GIGYF2: variants seen among roughly 807,000 people sequenced by gnomAD.
GIGYF2 encodes the protein GRB10-interacting GYF protein 2.
In GIGYF2, 25 loss-of-function variants were observed where a neutral mutation model predicts 208.1. The ratio of observed to expected loss-of-function variants is 0.12; its 90% CI spans 0.09 to 0.17. The LOEUF (loss-of-function observed/expected upper bound fraction) is 0.17. Among genes scored for constraint, GIGYF2 ranks in the 10% least tolerant of loss-of-function variants. GIGYF2 has a pLI of 1.00. For missense variants in GIGYF2, 1,302 were observed against 1,579.4 expected (o/e 0.82, Z 2.98); for synonymous variants, 534 against 543.8 (o/e 0.98, Z 0.25).
At chr2:232,761,830 C>T (rs1574847301) in intron 8 of GIGYF2, among the ~76,000 whole-genome samples, 3 of 146,348 alleles carry the variant, frequency 2.0e-5, no homozygotes, top group Admixed American at 6.8e-5. Flanking sequence ...TTCATTTGGC[C>T]TTTTTGCTGT....
intron 2 of GIGYF2, among the ~76,000 whole-genome samples, chr2:232,726,636 G>C (rs1003685788): frequency 3.3e-5 from 5 of 152,034 alleles, no homozygotes; most frequent in Non-Finnish European, 7.4e-5. Flanking sequence ...TTTTTAAATA[G>C]GTCCTATAGC....
At chr2:232,833,531 CA>C (rs1490680460) in intron 22 of GIGYF2, among the ~76,000 whole-genome samples, 1 of 152,206 alleles carries the variant, frequency 6.6e-6, no homozygotes, top group Non-Finnish European at 1.5e-5. Flanking sequence ...ACATAATGCA[CA>C]TACTTTGTAT....
intron 22 of GIGYF2, among the ~76,000 whole-genome samples, chr2:232,834,628 T>C (rs1241008327): frequency 6.6e-6 from 1 of 152,190 alleles, no homozygotes; most frequent in Non-Finnish European, 1.5e-5. Context: ...TCTTCAATTG[T>C]ATGTTCTGTT....
chr2:232,749,648 A>G (rs1418910916), intron 5 of GIGYF2, among the ~76,000 whole-genome samples: 1 of 152,110 alleles, frequency 6.6e-6, no homozygotes, highest in Non-Finnish European at 1.5e-5. Context: ...GATTTCAAGG[A>G]ACTTATGATA....
intron 15 of GIGYF2, among the ~76,000 whole-genome samples, chr2:232,807,514 C>T (rs1700595286): frequency 6.6e-6 from 1 of 152,096 alleles, no homozygotes; most frequent in Admixed American, 6.5e-5. Flanking sequence ...CAGAGTGAGA[C>T]CCTGTCTCAA....
At position 232,857,424 on chromosome 2, in the gene GIGYF2, A is replaced by G. The variant is rs1446107103; in HGVS notation, c.*564A>G. 5.8e-6 allele frequency: 1 copy of G among 173,050 alleles called. No homozygotes were observed. Among genetic ancestry groups the G allele is most frequent in the Non-Finnish European group, 1.2e-5 (1 of 80,150 alleles). The allele number at this position is 173,050 out of a possible 1,614,324, so 10.7% of individuals were successfully genotyped here. A position where few individuals can be genotyped will look rare whatever the true frequency, so the allele number is the denominator to read the frequency against. ...TTGCCACTGCTAACTTTGGGATTGCATCAGAGAGGCCCTGAGTGGGGTTGA... is the reference window on the plus strand; with the variant it reads ...TTGCCACTGCTAACTTTGGGATTGCGTCAGAGAGGCCCTGAGTGGGGTTGA... On this transcript the variant is annotated 3_prime_UTR_variant, in exon 29 of 29. Coordinates refer to ENST00000373563, the MANE Select transcript of GIGYF2 (RefSeq NM_001103146.3).
intron 2 of GIGYF2, among the ~76,000 whole-genome samples, chr2:232,716,176 T>C (rs540321102): frequency 2.0e-5 from 3 of 152,238 alleles, no homozygotes; most frequent in Non-Finnish European, 4.4e-5. Flanking sequence ...CTATTATAAG[T>C]AATGTGGGTC....
chr2:232,816,939 A>G lies in GIGYF2; in HGVS notation c.2277A>G (p.Glu759=), dbSNP rs1236369634. ...AAGAGGAAGAGCGAAAGAGGCAGGA[A>G]GAACTCCGAAGACAACAGGAGGAAA... ...KREEEERKRQ[E]ELRRQQEEIL... Residue 759 remains glutamate (E), a synonymous_variant, in exon 20 of 29, where the codon GAA becomes GAG. Coordinates refer to ENST00000373563, the MANE Select transcript of GIGYF2 (RefSeq NM_001103146.3). The G allele has an allele frequency of 6.2e-7, 1 of 1,611,708 alleles. No homozygotes were observed. The highest frequency in any genetic ancestry group is 1.3e-5 in the African/African-American group (1 of 74,884).
chr2:232,731,327 T>C (rs1175834643), intron 2 of GIGYF2: 2 of 152,232 alleles, frequency 1.3e-5, no homozygotes, highest in Non-Finnish European at 2.9e-5. Flanking sequence ...GCAAATACTT[T>C]GAATTTTAGT....
intron 12 of GIGYF2, among the ~76,000 whole-genome samples, chr2:232,794,470 C>T (rs1430134294): frequency 1.3e-5 from 2 of 152,170 alleles, no homozygotes; most frequent in Non-Finnish European, 2.9e-5. Flanking sequence ...TCTAAGAGGT[C>T]AACCTGTAAC....
In GIGYF2 at chr2:232,724,203, G is replaced by T. The variant is rs574473613; in HGVS notation, c.-43-10952G>T. Among the ~76,000 whole-genome samples the T allele has an allele frequency of 6.9e-4, 94 of 136,754 alleles. 1 individual carries two copies. The East Asian group carries it at 0.019, about 28-fold the overall frequency. The allele number at this position is 136,754 out of a possible 152,430, so 89.7% of individuals were successfully genotyped here. On this transcript the variant is annotated intron_variant, in intron 2 of 28. Coordinates refer to ENST00000373563, the MANE Select transcript of GIGYF2 (RefSeq NM_001103146.3). The stretch of plus-strand genomic sequence containing the variant: ...TTAACAGGCGCCCGCTGCCACACCT[G>T]GCTATTTTTTTTTTTTTTTTTTTTT...
At chr2:232,836,603 A>G (rs1701648079) in intron 22 of GIGYF2, among the ~76,000 whole-genome samples, 1 of 147,942 alleles carries the variant, frequency 6.8e-6, no homozygotes, top group Admixed American at 6.8e-5. Context: ...TGGGGCATAC[A>G]CTGACAGACT....
chr2:232,784,667 G>T (rs283478), intron 8 of GIGYF2, among the ~76,000 whole-genome samples: 1 of 151,712 alleles, frequency 6.6e-6, no homozygotes, highest in Admixed American at 6.6e-5. Flanking sequence ...GTGAGCCACC[G>T]CGCCTGGCCA....
intron 8 of GIGYF2, among the ~76,000 whole-genome samples, chr2:232,783,114 G>T (rs545252792): frequency 1.2e-4 from 18 of 152,256 alleles, no homozygotes; most frequent in Admixed American, 9.1e-4. Context: ...TATATGGCTT[G>T]ATGAAAAATG....
intron 23 of GIGYF2, among the ~76,000 whole-genome samples, chr2:232,841,013 C>T (rs980376018): frequency 2.6e-5 from 4 of 151,026 alleles, no homozygotes; most frequent in African/African-American, 9.8e-5. Flanking sequence ...TGAAGTCATC[C>T]AGTAAGATAA....
At chr2:232,810,916 A>G (rs1185200189) in intron 16 of GIGYF2, 1 of 265,622 alleles carries the variant, frequency 3.8e-6, no homozygotes, top group African/African-American at 2.2e-5. Context: ...ATTTCTGATA[A>G]AAGGTTATCT....
chr2:232,752,087 C>A (rs1482321663), intron 5 of GIGYF2, among the ~76,000 whole-genome samples: 1 of 152,232 alleles, frequency 6.6e-6, no homozygotes, highest in African/African-American at 2.4e-5. Context: ...ATCATCAGAT[C>A]CGTTTTGAAG....
chr2:232,843,448 A>C (rs1701889990), intron 23 of GIGYF2, among the ~76,000 whole-genome samples: 1 of 151,668 alleles, frequency 6.6e-6, no homozygotes, highest in Non-Finnish European at 1.5e-5. Context: ...CTGTAATCCC[A>C]GCTACTCAGG....
intron 2 of GIGYF2, among the ~76,000 whole-genome samples, chr2:232,709,366 T>A (rs986682450): frequency 2.6e-5 from 4 of 152,162 alleles, no homozygotes. Context: ...TCTTTTTAGA[T>A]ACAGGGTCTT....
Sources: gnomAD v4.1 joint callset for allele counts (sites outside exome capture counted in the v4.1 genomes callset) on GRCh38, gnomAD v4.1.1 for gene constraint, MANE v1.5 for transcripts, NCBI Gene and HGNC (gene_info 2026-07-23, HGNC 2026-07-21) for gene names.